Variants in EEFSEC observed in about 807,000 individuals in gnomAD.
EEFSEC encodes the protein eukaryotic elongation factor, selenocysteine-tRNA specific.
In EEFSEC, 43 loss-of-function variants were observed where a neutral mutation model predicts 42.1. The observed-to-expected ratio is 1.02, with a 90% CI of 0.80 to 1.32. The LOEUF (loss-of-function observed/expected upper bound fraction) is 1.32. EEFSEC is among the 40% of genes most tolerant of loss of function. The probability of loss-of-function intolerance (pLI) is 0.00; values close to 1 mark genes in which losing one functional copy is unlikely to be tolerated. For synonymous variants in EEFSEC, 354 were observed against 339.1 expected (o/e 1.04, Z -0.48); for missense variants, 745 against 803.6 (o/e 0.93, Z 0.88).
intron 1 of EEFSEC, among the ~76,000 whole-genome samples, chr3:128,178,717 A>T (rs1489732705): frequency 9.9e-5 from 15 of 152,152 alleles, no homozygotes; most frequent in Non-Finnish European, 2.9e-5. Context: ...ATTCAGATTG[A>T]CTTCTTTTTC....
At chr3:128,269,609 C>T (rs1272250178) in intron 4 of EEFSEC, among the ~76,000 whole-genome samples, 2 of 152,206 alleles carry the variant, frequency 1.3e-5, no homozygotes, top group Non-Finnish European at 2.9e-5. Context: ...TAAACAGTCA[C>T]ATTCCCCTCC....
intron 1 of EEFSEC, among the ~76,000 whole-genome samples, chr3:128,202,179 G>A (rs905207509): frequency 1.3e-5 from 2 of 151,958 alleles, no homozygotes; most frequent in South Asian, 2.1e-4. Flanking sequence ...ATCCTTTGTA[G>A]TTCCATATAA....
intron 1 of EEFSEC, among the ~76,000 whole-genome samples, chr3:128,181,389 T>C (rs1419750403): frequency 6.6e-6 from 1 of 152,250 alleles, no homozygotes; most frequent in Non-Finnish European, 1.5e-5. Context: ...TCTAAGCAGA[T>C]CACATGTGCT....
intron 1 of EEFSEC, among the ~76,000 whole-genome samples, chr3:128,179,710 C>T (rs1197036778): frequency 2.0e-5 from 3 of 152,000 alleles, no homozygotes; most frequent in South Asian, 4.2e-4. Context: ...TAAAAGCGAT[C>T]GGTACTTTTA....
chr3:128,243,023 C>T (rs573611853), intron 1 of EEFSEC, among the ~76,000 whole-genome samples: 2 of 152,270 alleles, frequency 1.3e-5, no homozygotes, highest in East Asian at 1.9e-4. Context: ...CACTTCCTGT[C>T]GTCTGATCAA....
intron 6 of EEFSEC, chr3:128,362,392 C>T: frequency 2.4e-6 from 1 of 415,448 alleles, no homozygotes; most frequent in Non-Finnish European, 4.9e-6. Context: ...GGCATTTACT[C>T]TAGGACAGAA....
intron 1 of EEFSEC, among the ~76,000 whole-genome samples, chr3:128,234,936 C>T (rs2065992999): frequency 6.6e-6 from 1 of 152,224 alleles, no homozygotes; most frequent in African/African-American, 2.4e-5. Context: ...TTACTGTAAC[C>T]ATGTCTGGCT....
At chr3:128,408,835 G>A (rs1188784097), downstream of EEFSEC, among the ~76,000 whole-genome samples, 1 of 152,196 alleles carries the variant, frequency 6.6e-6, no homozygotes, top group Non-Finnish European at 1.5e-5. Flanking sequence ...TGGCTCCTGG[G>A]GCGCTCTGGG....
At chr3:128,414,276 C>T in the EEFSEC span, among the ~76,000 whole-genome samples, 1 of 152,310 alleles carries the variant, frequency 6.6e-6, no homozygotes, top group African/African-American at 2.4e-5. Flanking sequence ...GAGCTTTCTC[C>T]TCCCACTCCC....
At chr3:128,323,269 A>G (rs549241083) in intron 4 of EEFSEC, among the ~76,000 whole-genome samples, 38 of 152,266 alleles carry the variant, frequency 2.5e-4, no homozygotes, top group Non-Finnish European at 4.6e-4. Context: ...CATATGGGAA[A>G]TGGGAACTGC....
chr3:128,362,200 G>A (rs1325195555), intron 6 of EEFSEC: 1 of 526,380 alleles, frequency 1.9e-6, no homozygotes, highest in Non-Finnish European at 3.9e-6. Context: ...CTCTGCCTCA[G>A]TGTGCCAGGC....
chr3:128,177,048 G>C (rs2065356858), intron 1 of EEFSEC, among the ~76,000 whole-genome samples: 4 of 151,698 alleles, frequency 2.6e-5, no homozygotes, highest in Admixed American at 2.6e-4. Flanking sequence ...CCAGGCTGGA[G>C]TGCGGTAGCA....
intron 4 of EEFSEC, among the ~76,000 whole-genome samples, chr3:128,284,042 G>A (rs748244164): frequency 1.3e-5 from 2 of 152,200 alleles, no homozygotes; most frequent in Non-Finnish European, 2.9e-5. Context: ...AGCAGTTCCT[G>A]TGAGTAACAT....
chr3:128,408,364 T>G lies in EEFSEC; in HGVS notation c.*105T>G. 5 of 1,227,388 alleles carry G rather than the reference T, an allele frequency of 4.1e-6. No homozygotes were observed. Among genetic ancestry groups the G allele is most frequent in the South Asian group, 1.6e-5 (1 of 63,546 alleles). 76.0% of individuals were successfully genotyped at this position (1,227,388 alleles called of 1,614,324 possible). A position where few individuals can be genotyped will look rare whatever the true frequency, so the allele number is the denominator to read the frequency against. On this transcript the variant is annotated 3_prime_UTR_variant, in exon 7 of 7. Transcript: ENST00000254730. ...AGCCTCTCCCAGTCTCTCCCTGCAG[T>G]CCTGCAGCAGCAGCCCCCACCCCCA...
chr3:128,180,453 T>A (rs943338351), intron 1 of EEFSEC, among the ~76,000 whole-genome samples: 1 of 152,206 alleles, frequency 6.6e-6, no homozygotes, highest in African/African-American at 2.4e-5. Context: ...ATTTTTATTG[T>A]GTGGCACTCA....
chr3:128,165,357 C>A (rs931290993), intron 1 of EEFSEC, among the ~76,000 whole-genome samples: 2 of 152,184 alleles, frequency 1.3e-5, no homozygotes, highest in Non-Finnish European at 2.9e-5. Context: ...ATATATAAAT[C>A]AAATTGTCAA....
intron 1 of EEFSEC, among the ~76,000 whole-genome samples, chr3:128,242,500 T>A (rs1015707950): frequency 2.2e-4 from 34 of 151,680 alleles, no homozygotes; most frequent in African/African-American, 5.8e-4. Context: ...TTGACTTTTT[T>A]AAAAAAAAAT....
intron 4 of EEFSEC, among the ~76,000 whole-genome samples, chr3:128,339,992 G>A (rs2067232686): frequency 6.6e-6 from 1 of 152,060 alleles, no homozygotes; most frequent in Non-Finnish European, 1.5e-5. Flanking sequence ...CTCCCACCAG[G>A]TCCCTCCCAC....
intron 4 of EEFSEC, among the ~76,000 whole-genome samples, chr3:128,288,889 C>T (rs1271106796): frequency 6.6e-6 from 1 of 152,206 alleles, no homozygotes; most frequent in Admixed American, 6.5e-5. Context: ...AAAACATTTG[C>T]AGCTCCTCAT....
Sources: allele counts gnomAD v4.1 joint callset (sites outside exome capture counted in the v4.1 genomes callset), GRCh38; gene constraint gnomAD v4.1.1; transcripts MANE v1.5; gene names NCBI Gene and HGNC (gene_info 2026-07-23, HGNC 2026-07-21).